VPS50: variants seen among roughly 807,000 people sequenced by gnomAD.
VPS50 encodes the protein syndetin.
In VPS50, 70 loss-of-function variants were observed where a neutral mutation model predicts 139.7. The ratio of observed to expected loss-of-function variants is 0.50; its 90% CI spans 0.41 to 0.61. The LOEUF is 0.61. Among genes scored for constraint, VPS50 ranks in the 20% least tolerant of loss-of-function variants. The probability of loss-of-function intolerance (pLI) is 0.00; values close to 1 mark genes in which losing one functional copy is unlikely to be tolerated. For synonymous variants in VPS50, 365 were observed against 376.7 expected, an observed-to-expected ratio of 0.97 and a Z score of 0.36; for missense variants, 921 against 1,133.7, an observed-to-expected ratio of 0.81 and a Z score of 2.69.
At chr7:93,314,285 A>C (rs560306104) in intron 20 of VPS50, among the ~76,000 whole-genome samples, 84 of 152,302 alleles carry the variant, frequency 5.5e-4, no homozygotes, top group African/African-American at 1.9e-3. Context: ...CATATTTAAA[A>C]TGTCCTTTTC....
At chr7:93,342,752 C>G (rs1798260027) in intron 23 of VPS50, among the ~76,000 whole-genome samples, 1 of 152,214 alleles carries the variant, frequency 6.6e-6, no homozygotes, top group East Asian at 1.9e-4. Context: ...GGTACTCCAA[C>G]AGACCTGCAG....
At chr7:93,332,981 G>T (rs950195600) in intron 21 of VPS50, among the ~76,000 whole-genome samples, 2 of 152,090 alleles carry the variant, frequency 1.3e-5, no homozygotes, top group African/African-American at 4.8e-5. Context: ...AAGGGCAAAA[G>T]GTATGAGGAC....
At chr7:93,256,317 G>A in intron 4 of VPS50, 192 bp from the exon 5 acceptor site, 1 of 391,040 alleles carries the variant, frequency 2.6e-6, no homozygotes, top group Non-Finnish European at 4.5e-6. Context: ...TGTGCTATGT[G>A]CTTTATTATA....
At chr7:93,333,410 A>C (rs1407152005) in intron 21 of VPS50, among the ~76,000 whole-genome samples, 2 of 152,192 alleles carry the variant, frequency 1.3e-5, no homozygotes, top group Non-Finnish European at 2.9e-5. Context: ...ATAATGTTTT[A>C]AATTTATTGG....
intron 4 of VPS50, among the ~76,000 whole-genome samples, chr7:93,256,203 G>T (rs939544716): frequency 1.3e-5 from 2 of 152,230 alleles, no homozygotes; most frequent in African/African-American, 2.4e-5. Flanking sequence ...TTCCCTTAAA[G>T]ATGGTTACAC....
At chr7:93,300,599 TC>T (rs1218199608) in intron 16 of VPS50, among the ~76,000 whole-genome samples, 1 of 152,122 alleles carries the variant, frequency 6.6e-6, no homozygotes, top group Non-Finnish European at 1.5e-5. Context: ...CAGGAAAATA[TC>T]ACGTTATTAC....
chr7:93,339,952 A>G (rs1798169186), intron 22 of VPS50, among the ~76,000 whole-genome samples: 1 of 152,180 alleles, frequency 6.6e-6, no homozygotes, highest in Non-Finnish European at 1.5e-5. Context: ...AATGGAATTC[A>G]TTGCCATGTC....
At chr7:93,298,875 T>A (rs1478677223) in intron 16 of VPS50, among the ~76,000 whole-genome samples, 5 of 152,214 alleles carry the variant, frequency 3.3e-5, no homozygotes, top group Non-Finnish European at 7.3e-5. Flanking sequence ...AGACTTGGGT[T>A]CTTGTCGCAT....
chr7:93,317,603 A>C (rs1446399226), intron 20 of VPS50, among the ~76,000 whole-genome samples: 1 of 152,166 alleles, frequency 6.6e-6, no homozygotes, highest in Non-Finnish European at 1.5e-5. Context: ...CCACTCCCAG[A>C]GTATCTGATT....
chr7:93,282,538 G>A (rs1218969316), intron 12 of VPS50, among the ~76,000 whole-genome samples: 2 of 152,166 alleles, frequency 1.3e-5, no homozygotes, highest in Non-Finnish European at 2.9e-5. Flanking sequence ...TTACACTCCT[G>A]ATCAGCAGAG....
intron 1 of VPS50, among the ~76,000 whole-genome samples, chr7:93,238,832 A>G (rs1407712018): frequency 6.6e-6 from 1 of 152,052 alleles, no homozygotes; most frequent in African/African-American, 2.4e-5. Flanking sequence ...CATTTCTTGG[A>G]GTGGTAAGTG....
intron 25 of VPS50, 152 bp from the exon 26 acceptor site, chr7:93,353,488 C>G (rs981883812): frequency 2.5e-6 from 2 of 807,642 alleles, no homozygotes; most frequent in African/African-American, 3.5e-5. Context: ...GGCCTTCATA[C>G]TAAGTCCAAA....
intron 21 of VPS50, among the ~76,000 whole-genome samples, chr7:93,324,273 C>T (rs899428685): frequency 6.6e-6 from 1 of 152,148 alleles, no homozygotes; most frequent in Non-Finnish European, 1.5e-5. Flanking sequence ...ATTGAATACC[C>T]TTTATTTCCT....
chr7:93,291,712 C>A lies in VPS50; in HGVS notation c.952C>A (p.Pro318Thr). ...TTATCATTTTCTTTAGCATGTTACA[C>A]CAGACAGCTATATTCCATGCCTTGC... ...QYKDLCTHVT[P>T]DSYIPCLADL... Residue 318 changes from proline (P) to threonine (T), a missense_variant, in exon 13 of 28, where the codon CCA (proline) becomes ACA (threonine). By Grantham distance (38) the Pro-to-Thr change is conservative. Around this residue, in one of 3 missense-constraint regions of VPS50, gnomAD observed 744 missense variants for 930.6 expected, o/e 0.80. Transcript: ENST00000305866. 2 of 1,528,454 alleles carry A rather than the reference C, an allele frequency of 1.3e-6. No individual in the cohort carries two copies. Among genetic ancestry groups the A allele is most frequent in the Non-Finnish European group, 1.8e-6 (2 of 1,135,112 alleles). 94.7% of individuals were successfully genotyped at this position (1,528,454 alleles called of 1,614,324 possible). A position where few individuals can be genotyped will look rare whatever the true frequency, so the allele number is the denominator to read the frequency against.
chr7:93,327,968 G>T (rs1298852232), intron 21 of VPS50, among the ~76,000 whole-genome samples: 1 of 152,054 alleles, frequency 6.6e-6, no homozygotes, highest in Non-Finnish European at 1.5e-5. Flanking sequence ...TTTTCTCAGG[G>T]GTTCTGGCTT....
chr7:93,274,817 C>T (rs1796107290), intron 11 of VPS50, among the ~76,000 whole-genome samples: 1 of 152,066 alleles, frequency 6.6e-6, no homozygotes, highest in East Asian at 1.9e-4. Context: ...CCATTAAGAA[C>T]ATTTGTGATT....
chr7:93,308,754 C>G (rs1797185099), intron 18 of VPS50, 70 bp from the exon 19 acceptor site: 1 of 693,734 alleles, frequency 1.4e-6, no homozygotes, highest in Non-Finnish European at 2.5e-6. Context: ...TGAGTACTTT[C>G]ACTGTGTTGA....
intron 21 of VPS50, among the ~76,000 whole-genome samples, chr7:93,330,307 A>C (rs1010662340): frequency 1.3e-5 from 2 of 152,186 alleles, no homozygotes; most frequent in African/African-American, 4.8e-5. Context: ...GAAAGGAAGA[A>C]CCAAGGAGGG....
chr7:93,335,814 A>G (rs17165267), intron 22 of VPS50, among the ~76,000 whole-genome samples: 2,538 of 152,238 alleles, frequency 0.017, 87 homozygotes, highest in African/African-American at 0.058. Flanking sequence ...TCACCCTGGC[A>G]TTTCTGTGTC....
Sources: gnomAD v4.1 joint callset for allele counts (sites outside exome capture counted in the v4.1 genomes callset) on GRCh38, gnomAD v4.1.1 for gene constraint, gnomAD v4.1.1 regional missense constraint, MANE v1.5 for transcripts, NCBI Gene and HGNC (gene_info 2026-07-23, HGNC 2026-07-21) for gene names.